The following NIM1K variants were observed in gnomAD, a reference collection of about 807,000 sequenced individuals.
NIM1K encodes NIM1 serine/threonine protein kinase.
In NIM1K, 35 loss-of-function variants were observed where a neutral mutation model predicts 37.1. That is an observed-to-expected ratio of 0.94 (90% CI 0.72 to 1.25). The LOEUF (loss-of-function observed/expected upper bound fraction) is 1.25, where lower values mean the gene tolerates loss of function less well. Among genes scored for constraint, NIM1K ranks in the 50% most tolerant of loss-of-function variants. The probability of loss-of-function intolerance (pLI) is 0.00; values close to 1 mark genes in which losing one functional copy is unlikely to be tolerated. For missense variants in NIM1K, 564 were observed against 548.0 expected, an observed-to-expected ratio of 1.03 and a Z score of -0.29; for synonymous variants, 234 against 206.6, an observed-to-expected ratio of 1.13 and a Z score of -1.14.
Position 43,280,135 on chromosome 5 carries a change from T to C in NIM1K, c.717T>C (p.Pro239=). The change falls in exon 4 of 4, where the codon CCT becomes CCC. Residue 239 remains proline (P), a synonymous_variant. Coordinates refer to ENST00000326035, the MANE Select transcript of NIM1K (RefSeq NM_153361.4). ...TFCGSPPYAA[P]ELFRDEHYIG... is the part of the protein sequence containing the mutation. Reference sequence around the variant, plus strand: ...GTGGGTCTCCTCCCTACGCTGCGCCTGAACTCTTCCGGGACGAGCACTACA... The same window carrying C: ...GTGGGTCTCCTCCCTACGCTGCGCCCGAACTCTTCCGGGACGAGCACTACA... 1.9e-6 allele frequency: 3 copies of C among 1,614,224 alleles called. No individual in the cohort carries two copies. The highest frequency in any genetic ancestry group is 2.5e-6 in the Non-Finnish European group (3 of 1,180,040).
rs904664018 is a variant in NIM1K at position 43,259,005 on chromosome 5, C to A, written c.292+12938C>A. ...ACTCTCATTTCTAAGTAAGAACATA[C>A]AGTATTTGATTTTCCATTCCTGAGT... On this transcript the variant is annotated intron_variant, in intron 2 of 3. Transcript: ENST00000326035. Among the ~76,000 whole-genome samples the A allele has an allele frequency of 1.3e-4, 19 of 144,650 alleles. No individual in the cohort carries two copies. The South Asian group carries it at 3.9e-3, about 30-fold the overall frequency. The allele number at this position is 144,650 out of a possible 152,430, so 94.9% of individuals were successfully genotyped here.
intron 1 of NIM1K, chr5:43,233,264 G>T: frequency 3.9e-6 from 2 of 519,304 alleles, no homozygotes; most frequent in Non-Finnish European, 6.5e-6. Context: ...TGATATAAGA[G>T]AACCTGCCTA....
At chr5:43,232,371 G>C in intron 1 of NIM1K, 3 of 1,369,144 alleles carry the variant, frequency 2.2e-6, no homozygotes. Flanking sequence ...GTGTCCAGAC[G>C]GAAGTGGATG....
At chr5:43,264,262 C>G (rs933195149) in intron 2 of NIM1K, among the ~76,000 whole-genome samples, 2 of 152,170 alleles carry the variant, frequency 1.3e-5, no homozygotes, top group Non-Finnish European at 2.9e-5. Context: ...GTCTAAGTCT[C>G]TTTGTAGGTC....
At chr5:43,246,556 G>A (rs776177152) in intron 2 of NIM1K, among the ~76,000 whole-genome samples, 11 of 151,680 alleles carry the variant, frequency 7.3e-5, no homozygotes, top group East Asian at 1.9e-4. Flanking sequence ...AGATCCCCCC[G>A]ATGGGCGCTG....
intron 1 of NIM1K, among the ~76,000 whole-genome samples, chr5:43,225,260 C>CAAAAAAAAAAAA (rs10555794): frequency 1.2e-4 from 9 of 72,674 alleles, no homozygotes; most frequent in Non-Finnish European, 1.7e-4. Context: ...ACCCTCTTTC[C>CAAAAAAAAAAAA]AAAAAAAAAA....
chr5:43,213,548 C>T (rs1463257402), intron 1 of NIM1K, among the ~76,000 whole-genome samples: 3 of 152,034 alleles, frequency 2.0e-5, no homozygotes, highest in African/African-American at 4.8e-5. Flanking sequence ...GGCTGGAGTG[C>T]CGTGGCACAT....
intron 1 of NIM1K, among the ~76,000 whole-genome samples, chr5:43,215,220 A>C (rs955906635): frequency 3.3e-5 from 5 of 152,214 alleles, no homozygotes; most frequent in African/African-American, 1.2e-4. Context: ...TGGCTCCCAA[A>C]GCCCTCTGGC....
At chr5:43,237,998 C>T (rs1752644675) in intron 1 of NIM1K, among the ~76,000 whole-genome samples, 1 of 150,110 alleles carries the variant, frequency 6.7e-6, no homozygotes, top group Non-Finnish European at 1.5e-5. Context: ...TTCTATATTG[C>T]TTATCTCTTC....
At chr5:43,226,248 T>C (rs1232163562) in intron 1 of NIM1K, among the ~76,000 whole-genome samples, 7 of 152,300 alleles carry the variant, frequency 4.6e-5, no homozygotes, top group African/African-American at 1.4e-4. Context: ...AGAAGTGACA[T>C]GATGTGATAT....
chr5:43,232,763 A>C, intron 1 of NIM1K: 2 of 1,158,896 alleles, frequency 1.7e-6, no homozygotes, highest in Non-Finnish European at 2.5e-6. Flanking sequence ...CTGTGGAAAA[A>C]CAAGAAGCCT....
chr5:43,246,455 T>C (rs953939170), intron 2 of NIM1K, among the ~76,000 whole-genome samples: 3 of 151,938 alleles, frequency 2.0e-5, no homozygotes, highest in African/African-American at 7.3e-5. Context: ...CCAAGCCACC[T>C]CATCTCCCAA....
intron 1 of NIM1K, among the ~76,000 whole-genome samples, chr5:43,223,493 T>G (rs930430088): frequency 6.6e-6 from 1 of 152,360 alleles, no homozygotes; most frequent in South Asian, 2.1e-4. Flanking sequence ...TAAATTTCAA[T>G]AAAATTTTGG....
intron 2 of NIM1K, among the ~76,000 whole-genome samples, chr5:43,258,918 C>A (rs1209735033): frequency 2.0e-5 from 3 of 151,686 alleles, no homozygotes; most frequent in Admixed American, 6.6e-5. Flanking sequence ...TAATCCCTCA[C>A]CCCCTCCCAC....
chr5:43,255,981 G>A (rs532674347), intron 2 of NIM1K, among the ~76,000 whole-genome samples: 1 of 151,858 alleles, frequency 6.6e-6, no homozygotes, highest in African/African-American at 2.4e-5. Context: ...CAGCTGAGGG[G>A]AAAGGGCAGA....
At chr5:43,204,726 G>C (rs1477825933) in intron 1 of NIM1K, among the ~76,000 whole-genome samples, 1 of 141,532 alleles carries the variant, frequency 7.1e-6, no homozygotes, top group African/African-American at 2.7e-5. Flanking sequence ...AAAAGTCACA[G>C]CTGGGTGTGG....
intron 2 of NIM1K, among the ~76,000 whole-genome samples, chr5:43,269,945 C>T (rs962684725): frequency 1.3e-5 from 2 of 152,004 alleles, no homozygotes; most frequent in Admixed American, 6.6e-5. Flanking sequence ...TTTTATAGGC[C>T]CTGTGAGTTT....
intron 1 of NIM1K, among the ~76,000 whole-genome samples, chr5:43,220,932 T>C (rs7712183): frequency 0.98 from 148,793 of 152,220 alleles, 72,807 homozygotes; most frequent in Middle Eastern, 1. Flanking sequence ...TCATGATAAG[T>C]CCCGAGAGTG....
At chr5:43,207,024 C>T in intron 1 of NIM1K, 1 of 741,512 alleles carries the variant, frequency 1.3e-6, no homozygotes, top group Non-Finnish European at 2.5e-6. Context: ...AAACAATTAC[C>T]ACCTAAGTTC....
Sources: allele counts gnomAD v4.1 joint callset (sites outside exome capture counted in the v4.1 genomes callset), GRCh38; gene constraint gnomAD v4.1.1; transcripts MANE v1.5; gene names NCBI Gene and HGNC (gene_info 2026-07-23, HGNC 2026-07-21).